EDAR: variants seen among roughly 807,000 people sequenced by gnomAD.
EDAR encodes tumor necrosis factor receptor superfamily member EDAR.
In EDAR, 38 loss-of-function variants were observed where a neutral mutation model predicts 51.3. That is an observed-to-expected ratio of 0.74 (90% confidence interval 0.57 to 0.97). The LOEUF is 0.97. Ranked by LOEUF, EDAR falls within the 50% of genes least tolerant of loss-of-function variation. EDAR has a pLI of 0.00. For missense variants in EDAR, 528 were observed against 595.0 expected (o/e 0.89, Z 1.17); for synonymous variants, 227 against 242.1 (o/e 0.94, Z 0.58).
At chr2:108,971,150 C>T (rs1049591689) in intron 1 of EDAR, among the ~76,000 whole-genome samples, 2 of 152,144 alleles carry the variant, frequency 1.3e-5, no homozygotes, top group African/African-American at 4.8e-5. Context: ...GCGGTCAGAC[C>T]CTGATGGTGC....
chr2:108,951,385 T>C (rs928517638), intron 1 of EDAR, among the ~76,000 whole-genome samples: 1 of 152,180 alleles, frequency 6.6e-6, no homozygotes, highest in Non-Finnish European at 1.5e-5. Flanking sequence ...CAGCATTGTG[T>C]CCAAGGTCAT....
intron 1 of EDAR, among the ~76,000 whole-genome samples, chr2:108,961,449 C>T (rs1019843659): frequency 6.6e-6 from 1 of 152,186 alleles, no homozygotes; most frequent in Admixed American, 6.5e-5. Flanking sequence ...GGACCAGCCA[C>T]CCTCCTTGGC....
chr2:108,934,899 C>T (rs532396303), intron 1 of EDAR, among the ~76,000 whole-genome samples: 12 of 152,284 alleles, frequency 7.9e-5, no homozygotes, highest in African/African-American at 2.6e-4. Context: ...TCTCTTCCCA[C>T]CTGAGGCAGA....
chr2:108,906,189 G>T, intron 11 of EDAR, 119 bp downstream of exon 11: 1 of 1,006,208 alleles, frequency 9.9e-7, no homozygotes, highest in Non-Finnish European at 1.6e-6. Context: ...TGACCAAAGT[G>T]CGGCAACTGG....
chr2:108,969,297 T>C (rs1472214500), intron 1 of EDAR, among the ~76,000 whole-genome samples: 1 of 152,238 alleles, frequency 6.6e-6, no homozygotes, highest in African/African-American at 2.4e-5. Context: ...GATTCTGTCT[T>C]TCCAAGACCT....
chr2:108,988,049 T>C (rs1192006353), intron 1 of EDAR, among the ~76,000 whole-genome samples: 1 of 152,232 alleles, frequency 6.6e-6, no homozygotes, highest in Non-Finnish European at 1.5e-5. Flanking sequence ...GCCTGGGGAC[T>C]GGGGAAGAGG....
At chr2:108,923,141 G>A (rs1390182220) in intron 5 of EDAR, among the ~76,000 whole-genome samples, 3 of 152,170 alleles carry the variant, frequency 2.0e-5, no homozygotes, top group Non-Finnish European at 4.4e-5. Flanking sequence ...CAGGTAGCTG[G>A]TGGCCAACCT....
In EDAR at chr2:108,896,881, G is replaced by A; in HGVS notation, c.*26C>T. 6.2e-7 allele frequency: 1 copy of A among 1,600,572 alleles called. No individual in the cohort carries two copies. Among genetic ancestry groups the A allele is most frequent in the Non-Finnish European group, 8.5e-7 (1 of 1,173,170 alleles). On this transcript the variant is annotated 3_prime_UTR_variant, in exon 12 of 12. Coordinates refer to ENST00000258443, the MANE Select transcript of EDAR (RefSeq NM_022336.4). Reference sequence around the variant, plus strand: ...CCTCGTTGGCTCCTTGGCTTGTCCTGGGAGGACAGCCCACAGGCATGCTTT... The same window carrying A: ...CCTCGTTGGCTCCTTGGCTTGTCCTAGGAGGACAGCCCACAGGCATGCTTT...
At chr2:108,940,535 T>C (rs1314262561) in intron 1 of EDAR, among the ~76,000 whole-genome samples, 2 of 152,248 alleles carry the variant, frequency 1.3e-5, no homozygotes, top group African/African-American at 4.8e-5. Context: ...CCCTGGGCCA[T>C]GCCTGAGCCC....
intron 1 of EDAR, among the ~76,000 whole-genome samples, chr2:108,959,505 T>G (rs899149519): frequency 6.6e-6 from 1 of 152,320 alleles, no homozygotes; most frequent in Admixed American, 6.5e-5. Context: ...TGTTTCTCTG[T>G]GATGCTTAAA....
intron 1 of EDAR, among the ~76,000 whole-genome samples, chr2:108,981,152 C>T (rs1698412626): frequency 6.6e-6 from 1 of 152,218 alleles, no homozygotes; most frequent in African/African-American, 2.4e-5. Flanking sequence ...GTGACCTTCC[C>T]TCGGGGAACT....
chr2:108,910,331 T>G (rs1160617297), intron 9 of EDAR, 129 bp downstream of exon 9: 30 of 743,768 alleles, frequency 4.0e-5, no homozygotes, highest in Non-Finnish European at 6.5e-5. Flanking sequence ...GTGGGGACTG[T>G]CTGTCGCCGA....
intron 5 of EDAR, among the ~76,000 whole-genome samples, chr2:108,916,695 G>A (rs911478564): frequency 2.0e-5 from 3 of 152,176 alleles, no homozygotes; most frequent in South Asian, 4.1e-4. Flanking sequence ...CTGAGCACGT[G>A]TGCGCAGCCG....
intron 1 of EDAR, among the ~76,000 whole-genome samples, chr2:108,939,469 G>A (rs1697546855): frequency 1.3e-5 from 2 of 152,224 alleles, no homozygotes; most frequent in South Asian, 4.1e-4. Context: ...GCTAATGACA[G>A]ATTACCAGGT....
At chr2:108,988,128 A>G (rs1422081211) in intron 1 of EDAR, among the ~76,000 whole-genome samples, 2 of 152,146 alleles carry the variant, frequency 1.3e-5, no homozygotes, top group African/African-American at 2.4e-5. Context: ...GGGATTGCCC[A>G]CTGACCGGCA....
chr2:108,942,411 C>A (rs1357403495), intron 1 of EDAR, among the ~76,000 whole-genome samples: 2 of 152,184 alleles, frequency 1.3e-5, no homozygotes, highest in African/African-American at 4.8e-5. Flanking sequence ...GGGCTCCAAG[C>A]GAGTCAAGGG....
At chr2:108,909,189 G>C (rs945278746) in intron 9 of EDAR, among the ~76,000 whole-genome samples, 1 of 152,218 alleles carries the variant, frequency 6.6e-6, no homozygotes, top group Non-Finnish European at 1.5e-5. Flanking sequence ...TGCAACTCAA[G>C]TCATGGGGCA....
At chr2:108,910,125 C>T (rs374249529) in intron 9 of EDAR, among the ~76,000 whole-genome samples, 5 of 152,280 alleles carry the variant, frequency 3.3e-5, no homozygotes, top group African/African-American at 7.2e-5. Context: ...GTGTGTTGGC[C>T]GCAACAGGCA....
intron 1 of EDAR, among the ~76,000 whole-genome samples, chr2:108,974,761 G>C (rs915111407): frequency 3.9e-5 from 6 of 152,014 alleles, no homozygotes; most frequent in Non-Finnish European, 8.8e-5. Context: ...CCATTTTTCA[G>C]ATAAAGAAAC....
Sources: allele counts gnomAD v4.1 joint callset (sites outside exome capture counted in the v4.1 genomes callset), GRCh38; gene constraint gnomAD v4.1.1; transcripts MANE v1.5; gene names NCBI Gene and HGNC (gene_info 2026-07-23, HGNC 2026-07-21).